Variants in ITFG2 observed in about 807,000 individuals in gnomAD.
ITFG2 encodes the protein KICSTOR complex protein ITFG2.
In ITFG2, 36 loss-of-function variants were observed where a neutral mutation model predicts 54.4. That is an observed-to-expected ratio of 0.66 (90% CI 0.51 to 0.87). ITFG2 has a LOEUF of 0.87. ITFG2 is among the 40% of genes least tolerant of loss of function. ITFG2 has a pLI of 0.00. For missense variants in ITFG2, 524 were observed against 576.7 expected (o/e 0.91, Z 0.94); for synonymous variants, 211 against 225.4 (o/e 0.94, Z 0.57).
At chr12:2,857,383 C>CG (rs2098090994) in intron 2 of ITFG2, 1 of 327,728 alleles carries the variant, frequency 3.1e-6, no homozygotes, top group South Asian at 3.6e-5. Flanking sequence ...CCCTACCCCT[C>CG]GTGAGCTTGT....
At chr12:2,847,509 T>C (rs1414543982) in intron 2 of ITFG2, among the ~76,000 whole-genome samples, 1 of 151,988 alleles carries the variant, frequency 6.6e-6, no homozygotes, top group East Asian at 1.9e-4. Context: ...CTACTAAAAA[T>C]ACAAAAAATT....
At chr12:2,830,737 C>A in intron 2 of ITFG2, 17 of 1,613,490 alleles carry the variant, frequency 1.1e-5, no homozygotes, top group Non-Finnish European at 1.4e-5. Flanking sequence ...GCTGGAATCT[C>A]TGTCCTGCTG....
At position 2,820,815 on chromosome 12, in the gene ITFG2, C is replaced by A. The variant is rs750207163; in HGVS notation, c.638C>A (p.Thr213Asn). The A allele has an allele frequency of 1.2e-6, 2 of 1,614,032 alleles. No individual in the cohort carries two copies. Among genetic ancestry groups the A allele is most frequent in the Non-Finnish European group, 1.7e-6 (2 of 1,179,962 alleles). The change falls in exon 6 of 12, where the codon ACC becomes AAC. Residue 213 changes from threonine (T) to asparagine (N), a missense_variant. Thr to Asn is a moderately conservative substitution (Grantham distance 65). Transcript: ENST00000228799. ...TGTGCGTATGCAATTCTACTGTGTA[C>A]CTGGAAAAAGGACACTGGGTCCCCT... ...PGCAYAILLC[T>N]WKKDTGSPPA...
intron 1 of ITFG2, among the ~76,000 whole-genome samples, chr12:2,840,564 A>G (rs2098038691): frequency 6.6e-6 from 1 of 152,260 alleles, no homozygotes; most frequent in Admixed American, 6.5e-5. Flanking sequence ...AGGCAGGCAG[A>G]TCACGAGGTC....
At chr12:2,815,579 T>C (rs2097919481) in intron 1 of ITFG2, among the ~76,000 whole-genome samples, 3 of 152,258 alleles carry the variant, frequency 2.0e-5, no homozygotes, top group Non-Finnish European at 4.4e-5. Flanking sequence ...GAGTTCACAT[T>C]GTCTTTTTAT....
upstream of ITFG2, among the ~76,000 whole-genome samples, chr12:2,832,014 C>T (rs572894444): frequency 1.3e-5 from 2 of 152,212 alleles, no homozygotes; most frequent in East Asian, 3.9e-4. Flanking sequence ...TCAAATACAT[C>T]TGCTTGGAGC....
upstream of ITFG2, among the ~76,000 whole-genome samples, chr12:2,836,372 G>C (rs1286056406): frequency 6.6e-6 from 1 of 152,198 alleles, no homozygotes; most frequent in East Asian, 1.9e-4. Context: ...CTGTTTACCT[G>C]TGTTGGATGC....
intron 2 of ITFG2, chr12:2,830,446 G>GTGGTCGC: frequency 2.8e-5 from 11 of 397,762 alleles, no homozygotes; most frequent in South Asian, 4.8e-5. Context: ...GCACACTGAG[G>GTGGTCGC]AGTACTTACT....
rs1414228095 is a variant in ITFG2, at chr12:2,817,204, C to A, written c.97-19C>A. On this transcript the variant is annotated intron_variant, in intron 1 of 11. Transcript: ENST00000228799. ...CAGCAGAGTCCCATCCTAACGCTTT[C>A]TTCTCTCTCCATTTGAAGTTAAATG... The A allele has an allele frequency of 1.3e-6, 2 of 1,573,720 alleles. No homozygotes were observed. Among genetic ancestry groups the A allele is most frequent in the African/African-American group, 1.3e-5 (1 of 74,228 alleles).
chr12:2,827,018 G>A (rs989275244), downstream of ITFG2: 5 of 1,426,836 alleles, frequency 3.5e-6, no homozygotes, highest in African/African-American at 4.4e-5. This position sits in a 1 kb window ranked among gnomAD's most constrained non-coding sequence, Gnocchi z 4.0. Context: ...GTCCTGGGGA[G>A]TAGGACAGCT....
upstream of ITFG2, among the ~76,000 whole-genome samples, chr12:2,833,400 T>C (rs975354136): frequency 2.0e-5 from 3 of 152,088 alleles, no homozygotes; most frequent in Non-Finnish European, 2.9e-5. Flanking sequence ...ATCCCTTTTC[T>C]CGTTGGGAGC....
At chr12:2,850,978 CTTTTTTTTT>C (rs35125854) in intron 2 of ITFG2, among the ~76,000 whole-genome samples, 9 of 81,666 alleles carry the variant, frequency 1.1e-4, no homozygotes, top group African/African-American at 4.4e-4. Context: ...GGCCCAGAGT[CTTTTTTTTT>C]TTTTTTTTTT....
At chr12:2,829,233 G>A (rs2097987119), downstream of ITFG2, among the ~76,000 whole-genome samples, 1 of 152,160 alleles carries the variant, frequency 6.6e-6, no homozygotes, top group African/African-American at 2.4e-5. Context: ...AGGAAACTCA[G>A]ATATGAGTAA....
chr12:2,849,244 G>T (rs1474954092), intron 2 of ITFG2: 2 of 1,535,910 alleles, frequency 1.3e-6, no homozygotes, highest in Admixed American at 2.0e-5. Context: ...GAAGTGTCCA[G>T]GTCTTCTCTT....
intron 1 of ITFG2, among the ~76,000 whole-genome samples, chr12:2,839,299 A>G (rs1305564802): frequency 6.6e-6 from 1 of 152,166 alleles, no homozygotes; most frequent in South Asian, 2.1e-4. Context: ...TCAAAAAAAA[A>G]CCAAATAATT....
chr12:2,858,962 C>T, intron 3 of ITFG2: 3 of 1,613,552 alleles, frequency 1.9e-6, no homozygotes, highest in Non-Finnish European at 2.5e-6. Flanking sequence ...TGAGATCCAT[C>T]AGCCCCAGGG....
downstream of ITFG2, chr12:2,828,204 T>G: frequency 8.7e-7 from 1 of 1,156,066 alleles, no homozygotes; most frequent in South Asian, 1.3e-5. Context: ...TTCTAGCCAC[T>G]CTTTTGTTAA....
chr12:2,847,609 G>A (rs1474129757), intron 2 of ITFG2, among the ~76,000 whole-genome samples: 2 of 150,402 alleles, frequency 1.3e-5, no homozygotes, highest in African/African-American at 4.9e-5. Context: ...GGAGATTGCA[G>A]TGAGCCAAGA....
In ITFG2 at chr12:2,858,372, G is replaced by A. The variant is rs28919871; in HGVS notation, n.620+41G>A. 2.1e-3 allele frequency: 916 copies of A among 445,894 alleles called. 9 individuals are homozygous for A. Among genetic ancestry groups the A allele is most frequent in the African/African-American group, 0.016 (851 of 51,580 alleles). The allele number at this position is 445,894 out of a possible 1,614,324, so 27.6% of individuals were successfully genotyped here. A position where few individuals can be genotyped will look rare whatever the true frequency, so the allele number is the denominator to read the frequency against. On this transcript the variant is annotated intron_variant and non_coding_transcript_variant, in intron 3 of 3. Coordinates refer to the ITFG2 transcript ENST00000537710. ...GCAGAGAATGGAAACAGGCTGGGGG[G>A]TTCCTAATCTCTTTTCACCATTGCC...
Sources: allele counts gnomAD v4.1 joint callset (sites outside exome capture counted in the v4.1 genomes callset), GRCh38; gene constraint gnomAD v4.1.1; non-coding constraint Gnocchi (gnomAD v3.1); transcripts MANE v1.5; gene names NCBI Gene and HGNC (gene_info 2026-07-23, HGNC 2026-07-21).